The following DNAH17 variants were observed in gnomAD, a reference collection of about 807,000 sequenced individuals.
DNAH17 encodes the protein dynein axonemal heavy chain 17.
In DNAH17, 376 loss-of-function variants were observed where a neutral mutation model predicts 485.6. The ratio of observed to expected loss-of-function variants is 0.77; its 90% confidence interval spans 0.71 to 0.84. The LOEUF (loss-of-function observed/expected upper bound fraction) is 0.84. Among genes scored for constraint, DNAH17 ranks in the 40% least tolerant of loss-of-function variants. DNAH17 has a pLI of 0.00. For synonymous variants in DNAH17, 3,031 were observed against 2,405.9 expected, an observed-to-expected ratio of 1.26 and a Z score of -7.60; for missense variants, 6,370 against 5,839.3, an observed-to-expected ratio of 1.09 and a Z score of -2.96.
At chr17:78,575,186 C>T in intron 1 of DNAH17, 104 bp from the exon 2 acceptor site, 2 of 843,096 alleles carry the variant, frequency 2.4e-6, no homozygotes. Flanking sequence ...GGAGCAGGAA[C>T]AAAACAGTTG....
chr17:78,537,073 G>GAC (rs1194868581), intron 19 of DNAH17, among the ~76,000 whole-genome samples: 5 of 151,714 alleles, frequency 3.3e-5, no homozygotes, highest in Non-Finnish European at 5.9e-5. Flanking sequence ...AGCTACTCGG[G>GAC]ACGCTGAGGC....
intron 17 of DNAH17, among the ~76,000 whole-genome samples, chr17:78,542,200 T>C (rs1212083307): frequency 6.7e-6 from 1 of 150,264 alleles, no homozygotes; most frequent in Non-Finnish European, 1.5e-5. Context: ...CAGGCTGGAA[T>C]GCAGTGGTGC....
chr17:78,570,499 G>A (rs527647465), intron 6 of DNAH17, 127 bp from the exon 7 acceptor site: 20 of 1,255,100 alleles, frequency 1.6e-5, no homozygotes, highest in East Asian at 1.3e-4. Context: ...GAGGAGGGGA[G>A]AGGCAACTCC....
rs1396877871 is a variant in DNAH17, at chr17:78,543,707, G to A, written c.2532+150C>T. ...CCCAGAGTGCTGGGATTACAGGTGA[G>A]AGCCACTGCATCCAGCCAGGTCACA... On this transcript the variant is annotated intron_variant, in intron 17 of 80. Transcript: ENST00000389840. The A allele has an allele frequency of 6.0e-6, 7 of 1,172,784 alleles. No individual in the cohort carries two copies. In the South Asian group the frequency reaches 6.2e-5, roughly 10 times the overall value. 72.6% of individuals were successfully genotyped at this position (1,172,784 alleles called of 1,614,324 possible).
Position 78,475,708 on chromosome 17 carries a change from G to T in DNAH17, c.8280C>A (p.Val2760=). The T allele has an allele frequency of 6.2e-7, 1 of 1,613,878 alleles. No individual in the cohort carries two copies. Among genetic ancestry groups the T allele is most frequent in the Non-Finnish European group, 8.5e-7 (1 of 1,179,860 alleles). The change falls in exon 53 of 81, where the codon GTC becomes GTA. Residue 2760 remains valine, a synonymous_variant. Coordinates refer to ENST00000389840, the MANE Select transcript of DNAH17 (RefSeq NM_173628.4). ...CATTAACTTCATTGTAGCTGTCCAG[G>T]ACGTCCACGAGGAGCTTGTTCAGAG... ...MAPLNKLLVD[V]LDSYNEVNAV... is the part of the protein sequence containing the mutation.
At chr17:78,523,936 A>G (rs946289008) in intron 25 of DNAH17, among the ~76,000 whole-genome samples, 2 of 152,226 alleles carry the variant, frequency 1.3e-5, no homozygotes, top group Admixed American at 1.3e-4. Flanking sequence ...CTTTTTAAAA[A>G]AGAAAATATG....
chr17:78,451,455 C>T lies in DNAH17; in HGVS notation c.10734+14G>A, dbSNP rs951463312. 7 of 1,599,806 alleles carry T rather than the reference C, an allele frequency of 4.4e-6. No individual in the cohort carries two copies. The Admixed American group carries it at 5.2e-5, about 12-fold the overall frequency. On this transcript the variant is annotated intron_variant, in intron 66 of 80. Transcript: ENST00000389840. ...CGGCACCTCCTCCCGTGTGACCAAA[C>T]TTCAGGCCATTACCTTCAGCTGTTC... is the stretch of plus-strand genomic sequence containing the variant.
chr17:78,553,573 T>A (rs990455571), intron 14 of DNAH17, among the ~76,000 whole-genome samples: 1 of 151,916 alleles, frequency 6.6e-6, no homozygotes, highest in Non-Finnish European at 1.5e-5. Flanking sequence ...AAGTCCCAGG[T>A]GTCAAGTATT....
At chr17:78,445,746 G>T in intron 69 of DNAH17, 66 bp from the exon 70 acceptor site, 2 of 1,533,982 alleles carry the variant, frequency 1.3e-6, no homozygotes, top group East Asian at 4.8e-5. Flanking sequence ...CTGAAGATGC[G>T]CGCTGGACTC....
At chr17:78,518,895 G>A (rs568546512) in intron 25 of DNAH17, among the ~76,000 whole-genome samples, 20 of 152,186 alleles carry the variant, frequency 1.3e-4, no homozygotes, top group Admixed American at 2.0e-4. Context: ...CAGGCCAGGC[G>A]TGGTGGCTCA....
Position 78,437,859 on chromosome 17 carries a change from G to A in DNAH17, c.11815C>T (p.Leu3939=), listed in dbSNP as rs757382810. Residue 3939 remains leucine, a synonymous_variant, in exon 74 of 81, where the codon CTG becomes TTG. Transcript: ENST00000389840. ...AGTGTTCCCAGCCACCGGGCCACCA[G>A]GTGGATATTCTGCAGCCAAGACTAG... ...GHWVILQNIH[L]VARWLGTLDK... 8 of 1,609,300 alleles carry A rather than the reference G, an allele frequency of 5.0e-6. No individual in the cohort carries two copies. Among genetic ancestry groups the A allele is most frequent in the Non-Finnish European group, 6.8e-6 (8 of 1,177,756 alleles).
chr17:78,556,870 C>T (rs927172637), intron 14 of DNAH17, among the ~76,000 whole-genome samples: 5 of 152,154 alleles, frequency 3.3e-5, no homozygotes, highest in African/African-American at 9.7e-5. Flanking sequence ...CATGCAACAA[C>T]ATAGATTAAC....
chr17:78,478,947 A>G, intron 51 of DNAH17, 78 bp downstream of exon 51: 1 of 1,182,250 alleles, frequency 8.5e-7, no homozygotes, highest in Non-Finnish European at 1.2e-6. Flanking sequence ...CCTCCCTGAG[A>G]GCTGTGATGA....
At chr17:78,511,484 G>C (rs1475931989) in intron 26 of DNAH17, among the ~76,000 whole-genome samples, 1 of 152,184 alleles carries the variant, frequency 6.6e-6, no homozygotes, top group Non-Finnish European at 1.5e-5. Context: ...CACCACCTTT[G>C]GCAGCTGCCG....
chr17:78,474,693 C>T (rs769653046), intron 54 of DNAH17, among the ~76,000 whole-genome samples: 3 of 145,960 alleles, frequency 2.1e-5, no homozygotes, highest in South Asian at 2.2e-4. Context: ...CACACGGACA[C>T]GCACACTGGC....
rs371369990 is a variant in DNAH17, at chr17:78,570,960, G to T, written c.906C>A (p.Ala302=). 2 of 1,588,348 alleles carry T rather than the reference G, an allele frequency of 1.3e-6. No homozygotes were observed. The highest frequency in any genetic ancestry group is 1.7e-6 in the Non-Finnish European group (2 of 1,167,520). Residue 302 remains alanine (A), a synonymous_variant, in exon 6 of 81, where the codon GCC becomes GCA. Transcript: ENST00000389840. ...CTTGCCTGCGCACCATCGTGAAGTCGGCTTGTTCCATCTCCTCCAGCAGGA... is the reference window on the plus strand; with the variant it reads ...CTTGCCTGCGCACCATCGTGAAGTCTGCTTGTTCCATCTCCTCCAGCAGGA... ...LRILLEEMEQ[A]DFTMLPTFIA...
At position 78,491,487 on chromosome 17, in the gene DNAH17, G is replaced by C. The variant is rs571680606; in HGVS notation, c.6625C>G (p.Pro2209Ala). The C allele has an allele frequency of 2.5e-6, 4 of 1,613,406 alleles. No homozygotes were observed. The highest frequency in any genetic ancestry group is 3.4e-6 in the Non-Finnish European group (4 of 1,179,766). Residue 2209 changes from proline (P) to alanine (A), a missense_variant, in exon 43 of 81, where the codon CCC becomes GCC. Pro to Ala is a conservative substitution (Grantham distance 27). Transcript: ENST00000389840. ...KWIILDGDID[P>A]MWIESLNTVM... ...GTGTTGAGAGACTCGATCCACATGG[G>C]GTCTATGTCTCCGTCAAGGATGATC... is the stretch of plus-strand genomic sequence containing the variant.
rs1568203365 is a variant in DNAH17 at position 78,529,626 on chromosome 17, T to TCC, written c.3351_3352dup (p.Asp1118GlyfsTer9). On this transcript the variant is annotated frameshift_variant, in exon 22 of 81. Coordinates refer to ENST00000389840, the MANE Select transcript of DNAH17 (RefSeq NM_173628.4). LOFTEE classifies it high-confidence loss of function. Reference sequence around the variant, plus strand: ...CATCACCTCCACAAGCCCATCATAGTCCCCCTCCTTGAGGGGCTTGGTCAA... The same window carrying TCC: ...CATCACCTCCACAAGCCCATCATAGTCCCCCCCTCCTTGAGGGGCTTGGTCAA... 4 of 1,613,600 alleles carry TCC rather than the reference T, an allele frequency of 2.5e-6. No homozygotes were observed. The highest frequency in any genetic ancestry group is 1.3e-5 in the African/African-American group (1 of 74,818).
At chr17:78,484,841 T>G (rs1264542909) in intron 48 of DNAH17, 27 bp downstream of exon 48, 1 of 1,378,532 alleles carries the variant, frequency 7.3e-7, no homozygotes, top group Non-Finnish European at 9.6e-7. Context: ...GGGCCACGCC[T>G]TCCCCTCCGG....
Sources: allele counts gnomAD v4.1 joint callset (sites outside exome capture counted in the v4.1 genomes callset), GRCh38; gene constraint gnomAD v4.1.1; transcripts MANE v1.5; gene names NCBI Gene and HGNC (gene_info 2026-07-23, HGNC 2026-07-21).